Variants in PPP3R1 observed in about 807,000 individuals in gnomAD.
PPP3R1 encodes the protein calcineurin subunit B type 1.
In PPP3R1, 5 loss-of-function variants were observed where a neutral mutation model predicts 22.6. That is an observed-to-expected ratio of 0.22 (90% CI 0.12 to 0.46). The LOEUF is 0.46. PPP3R1 is among the 20% of genes least tolerant of loss of function. The pLI is 0.99. For synonymous variants in PPP3R1, 56 were observed against 65.2 expected, an observed-to-expected ratio of 0.86 and a Z score of 0.68; for missense variants, 61 against 203.2, an observed-to-expected ratio of 0.30 and a Z score of 4.25.
chr2:68,223,764 T>C (rs1486505542), intron 1 of PPP3R1, among the ~76,000 whole-genome samples: 1 of 124,898 alleles, frequency 8.0e-6, no homozygotes, highest in East Asian at 2.3e-4. Context: ...TCCCTAAGAT[T>C]AGAACAAGAT....
intron 2 of PPP3R1, among the ~76,000 whole-genome samples, chr2:68,210,959 G>T (rs1331776898): frequency 6.6e-6 from 1 of 152,078 alleles, no homozygotes; most frequent in Non-Finnish European, 1.5e-5. Flanking sequence ...TTTTAAGTTT[G>T]CTTCCAGACC....
chr2:68,233,496 C>T (rs1405328454), intron 1 of PPP3R1, among the ~76,000 whole-genome samples: 2 of 151,912 alleles, frequency 1.3e-5, no homozygotes, highest in Non-Finnish European at 2.9e-5. Flanking sequence ...GGCAAATTCT[C>T]GAAATACTGA....
At chr2:68,211,418 A>AAAAAC (rs1402685002) in intron 2 of PPP3R1, among the ~76,000 whole-genome samples, 2 of 151,604 alleles carry the variant, frequency 1.3e-5, no homozygotes, top group African/African-American at 4.8e-5. Flanking sequence ...AAAAAAAAAA[A>AAAAAC]AAAAAAACTC....
chr2:68,188,122 A>G (rs1207266617), intron 3 of PPP3R1, among the ~76,000 whole-genome samples: 1 of 152,202 alleles, frequency 6.6e-6, no homozygotes, highest in Non-Finnish European at 1.5e-5. Flanking sequence ...GTGAGCCGAG[A>G]TTATACCACC....
chr2:68,207,396 G>C (rs1157668101), intron 2 of PPP3R1, among the ~76,000 whole-genome samples: 1 of 152,080 alleles, frequency 6.6e-6, no homozygotes, highest in African/African-American at 2.4e-5. Context: ...TAAGAAAGAA[G>C]ACTTACTACT....
intron 2 of PPP3R1, among the ~76,000 whole-genome samples, chr2:68,202,097 A>C (rs765471654): frequency 2.0e-5 from 3 of 152,208 alleles, no homozygotes; most frequent in Non-Finnish European, 4.4e-5. Flanking sequence ...TCTTTCAGTC[A>C]GACGCTATCA....
chr2:68,205,185 C>A (rs1375825495), intron 2 of PPP3R1, among the ~76,000 whole-genome samples: 1 of 151,528 alleles, frequency 6.6e-6, no homozygotes, highest in African/African-American at 2.4e-5. Flanking sequence ...TATCCCACCC[C>A]AGTTATTTCA....
chr2:68,180,830 A>G lies in PPP3R1; in HGVS notation c.*133T>C, dbSNP rs1674385285. On this transcript the variant is annotated 3_prime_UTR_variant, in exon 6 of 6. Transcript: ENST00000234310. ...ACACTTAGTTGGCTTCATGAGGCTC[A>G]TGTTGGAAAATGTGGCTTCACAGAG... 1.2e-6 allele frequency: 1 copy of G among 865,756 alleles called. No homozygotes were observed. Among genetic ancestry groups the G allele is most frequent in the Admixed American group, 2.3e-5 (1 of 43,222 alleles). The allele number at this position is 865,756 out of a possible 1,614,324, so 53.6% of individuals were successfully genotyped here. A position where few individuals can be genotyped will look rare whatever the true frequency, so the allele number is the denominator to read the frequency against.
intron 2 of PPP3R1, among the ~76,000 whole-genome samples, chr2:68,215,077 C>T (rs949026986): frequency 1.3e-5 from 2 of 151,980 alleles, no homozygotes; most frequent in Admixed American, 6.6e-5. Context: ...GGGATCTAAA[C>T]AACAAGAACA....
rs544176550 is a variant in PPP3R1, at chr2:68,194,957, T to C, written c.44-6267A>G. 2.0e-5 allele frequency among the ~76,000 whole-genome samples: 3 copies of C among 152,230 alleles called. No individual in the cohort carries two copies. The South Asian group carries it at 6.2e-4, about 32-fold the overall frequency. ...ATCTCTAAATTCTAACAATAATATT[T>C]TGAAAGAAACAACTATATGTAATGT... On this transcript the variant is annotated intron_variant, in intron 2 of 5. Transcript: ENST00000234310.
At position 68,184,471 on chromosome 2, in the gene PPP3R1, T is replaced by C. The variant is rs576380312; in HGVS notation, c.465+1997A>G. ...ACCCTTTCTAATTCATTGCATTTTA[T>C]TGGAGTTTGGGGAGGAGGTAAAAAT... On this transcript the variant is annotated intron_variant, in intron 5 of 5. Transcript: ENST00000234310. Among the ~76,000 whole-genome samples the C allele has an allele frequency of 2.0e-5, 3 of 152,332 alleles. No individual in the cohort carries two copies. The South Asian group carries it at 6.2e-4, about 32-fold the overall frequency.
At chr2:68,215,354 T>G (rs745667063) in intron 2 of PPP3R1, among the ~76,000 whole-genome samples, 1 of 152,094 alleles carries the variant, frequency 6.6e-6, no homozygotes, top group African/African-American at 2.4e-5. Flanking sequence ...CCAAAACATT[T>G]CTGGTCTCAA....
intron 1 of PPP3R1, among the ~76,000 whole-genome samples, chr2:68,235,750 T>A (rs1339235497): frequency 2.0e-5 from 3 of 152,222 alleles, no homozygotes; most frequent in Non-Finnish European, 2.9e-5. Flanking sequence ...ATATGGTAAC[T>A]CTATGTTTGA....
intron 1 of PPP3R1, among the ~76,000 whole-genome samples, chr2:68,237,124 C>T (rs905714991): frequency 1.3e-5 from 2 of 151,686 alleles, no homozygotes; most frequent in Non-Finnish European, 2.9e-5. Context: ...TTACTTGTAG[C>T]CAAAAATATC....
At chr2:68,213,970 A>G (rs546621459) in intron 2 of PPP3R1, among the ~76,000 whole-genome samples, 1 of 152,340 alleles carries the variant, frequency 6.6e-6, no homozygotes, top group African/African-American at 2.4e-5. Context: ...TATACAGACC[A>G]ATGGAACAGA....
intron 2 of PPP3R1, among the ~76,000 whole-genome samples, chr2:68,196,560 C>T (rs1249326879): frequency 2.0e-5 from 3 of 152,036 alleles, no homozygotes; most frequent in African/African-American, 4.8e-5. Context: ...AAAAACTCAT[C>T]CACTTAAAAG....
intron 5 of PPP3R1, among the ~76,000 whole-genome samples, chr2:68,185,282 T>G (rs1218431134): frequency 6.7e-6 from 1 of 149,880 alleles, no homozygotes; most frequent in Admixed American, 6.7e-5. Flanking sequence ...AACTCGAAAC[T>G]TAGCTTATGT....
chr2:68,180,915 G>T lies in PPP3R1; in HGVS notation c.*48C>A. The T allele has an allele frequency of 6.5e-7, 1 of 1,541,832 alleles. No individual in the cohort carries two copies. The highest frequency in any genetic ancestry group is 9.0e-7 in the Non-Finnish European group (1 of 1,115,642). ...GCTGGACGTCTTGAGCAGATCTTCA[G>T]AGATGGAGAAGAAAGCAAAAGTGTT... On this transcript the variant is annotated 3_prime_UTR_variant, in exon 6 of 6. Coordinates refer to ENST00000234310, the MANE Select transcript of PPP3R1 (RefSeq NM_000945.4).
intron 1 of PPP3R1, among the ~76,000 whole-genome samples, chr2:68,224,036 C>A (rs996469372): frequency 2.6e-5 from 4 of 151,972 alleles, no homozygotes; most frequent in Non-Finnish European, 4.4e-5. Context: ...GTTCCATTTA[C>A]AAAATCATCA....
Sources: gnomAD v4.1 joint callset for allele counts (sites outside exome capture counted in the v4.1 genomes callset) on GRCh38, gnomAD v4.1.1 for gene constraint, MANE v1.5 for transcripts, NCBI Gene and HGNC (gene_info 2026-07-23, HGNC 2026-07-21) for gene names.